PCDH9: variants seen among roughly 807,000 people sequenced by gnomAD.
PCDH9 encodes protocadherin-9.
A neutral mutation model predicts 70.6 loss-of-function variants in PCDH9; 24 were observed. That is an observed-to-expected ratio of 0.34 (90% CI 0.25 to 0.48). The LOEUF (loss-of-function observed/expected upper bound fraction) is 0.48. Among genes scored for constraint, PCDH9 ranks in the 20% least tolerant of loss-of-function variants. The probability of loss-of-function intolerance (pLI) is 0.99; values close to 1 mark genes in which losing one functional copy is unlikely to be tolerated. For synonymous variants in PCDH9, 562 were observed against 558.5 expected (o/e 1.01, Z -0.09); for missense variants, 1,281 against 1,503.6 (o/e 0.85, Z 2.45).
At chr13:66,703,081 T>C (rs2078667641) in intron 3 of PCDH9, among the ~76,000 whole-genome samples, 1 of 152,202 alleles carries the variant, frequency 6.6e-6, no homozygotes, top group South Asian at 2.1e-4. Context: ...AAATTACAAA[T>C]TGAATACAAA....
intron 3 of PCDH9, among the ~76,000 whole-genome samples, chr13:66,737,036 G>T (rs551186829): frequency 6.6e-6 from 1 of 152,122 alleles, no homozygotes; most frequent in East Asian, 1.9e-4. Flanking sequence ...CCCATGAAAC[G>T]CAGGGTAGTG....
chr13:66,531,934 T>C (rs1170931998), intron 4 of PCDH9, among the ~76,000 whole-genome samples: 3 of 152,116 alleles, frequency 2.0e-5, no homozygotes, highest in Non-Finnish European at 4.4e-5. Context: ...GGAGAATATC[T>C]ATACATCTCT....
chr13:67,085,008 A>ATG (rs2086076759), intron 2 of PCDH9, among the ~76,000 whole-genome samples: 4 of 130,578 alleles, frequency 3.1e-5, no homozygotes, highest in African/African-American at 1.1e-4. Flanking sequence ...ATATATATAT[A>ATG]TATATATATA....
chr13:67,027,667 C>T (rs1214797941), intron 2 of PCDH9, among the ~76,000 whole-genome samples: 1 of 150,306 alleles, frequency 6.7e-6, no homozygotes, highest in Non-Finnish European at 1.5e-5. Context: ...ACAACCTACT[C>T]ATCTGACAAA....
chr13:67,086,131 A>C (rs2086103220), intron 2 of PCDH9, among the ~76,000 whole-genome samples: 1 of 152,202 alleles, frequency 6.6e-6, no homozygotes, highest in Non-Finnish European at 1.5e-5. Flanking sequence ...CTTTTAGATA[A>C]AGAATCTAAA....
chr13:67,044,084 T>C (rs971624239), intron 2 of PCDH9, among the ~76,000 whole-genome samples: 1 of 152,068 alleles, frequency 6.6e-6, no homozygotes, highest in Admixed American at 6.6e-5. Context: ...GAATGGGGGT[T>C]GTCTTGGAAG....
intron 3 of PCDH9, among the ~76,000 whole-genome samples, chr13:66,786,760 C>A (rs1454927485): frequency 6.6e-6 from 1 of 151,878 alleles, no homozygotes; most frequent in Non-Finnish European, 1.5e-5. Context: ...CCTTGGAAGC[C>A]CTGACAATTA....
chr13:67,177,123 G>A (rs2088483584), intron 2 of PCDH9, among the ~76,000 whole-genome samples: 1 of 152,072 alleles, frequency 6.6e-6, no homozygotes, highest in Non-Finnish European at 1.5e-5. Context: ...TTATTTCTAT[G>A]ACTACTTAGA....
chr13:66,951,940 TG>T (rs376438730), intron 2 of PCDH9, among the ~76,000 whole-genome samples: 86 of 152,168 alleles, frequency 5.7e-4, no homozygotes, highest in African/African-American at 2.0e-3. Context: ...AAAATAAACA[TG>T]GGGGGTGTTG....
chr13:66,853,200 G>GCAA (rs2081341997), intron 3 of PCDH9, among the ~76,000 whole-genome samples: 1 of 59,200 alleles, frequency 1.7e-5, no homozygotes, highest in South Asian at 1.3e-3. Context: ...CTGAATAGTA[G>GCAA]CAATAATAAT....
At chr13:67,084,997 A>AAAAAATATATATATATATAT (rs1566414172) in intron 2 of PCDH9, among the ~76,000 whole-genome samples, 1 of 33,202 alleles carries the variant, frequency 3.0e-5, no homozygotes, top group African/African-American at 1.2e-4. Context: ...AAAAAAAAAA[A>AAAAAATATATATATATATAT]ATATATATAT....
intron 3 of PCDH9, 124 bp downstream of exon 3, chr13:66,903,380 T>A: frequency 2.5e-6 from 1 of 406,392 alleles, no homozygotes; most frequent in Admixed American, 4.0e-5. Context: ...AACATTAGTA[T>A]AAAAATGTGA....
intron 3 of PCDH9, among the ~76,000 whole-genome samples, chr13:66,854,067 A>C (rs1299409271): frequency 6.6e-6 from 1 of 152,182 alleles, no homozygotes; most frequent in Non-Finnish European, 1.5e-5. Context: ...CTAAAATGTA[A>C]AATGCTGTTC....
At chr13:66,665,387 C>T (rs1009883072) in intron 3 of PCDH9, among the ~76,000 whole-genome samples, 6 of 152,038 alleles carry the variant, frequency 3.9e-5, no homozygotes, top group South Asian at 2.1e-4. Context: ...TGTGAGCCAC[C>T]GCGCCTGACC....
chr13:66,856,746 G>A (rs1008409152), intron 3 of PCDH9, among the ~76,000 whole-genome samples: 9 of 152,064 alleles, frequency 5.9e-5, no homozygotes, highest in African/African-American at 1.9e-4. Flanking sequence ...TTCAGTAACC[G>A]TCTTAGCATT....
chr13:66,586,701 C>T lies in PCDH9; in HGVS notation c.3340+44509G>A, dbSNP rs186754624. Among the ~76,000 whole-genome samples, 28 of 152,236 alleles carry T rather than the reference C, an allele frequency of 1.8e-4. 1 individual carries two copies. The East Asian group carries it at 3.9e-3, about 21-fold the overall frequency. ...TTGTGTGGTGAAATATATTTCACCA[C>T]TAGACAAGAGGAGTTGCAAACTACT... On this transcript the variant is annotated intron_variant, in intron 4 of 4. Transcript: ENST00000377865.
intron 2 of PCDH9, among the ~76,000 whole-genome samples, chr13:66,912,295 C>G (rs1316457362): frequency 1.3e-5 from 2 of 152,022 alleles, no homozygotes; most frequent in Admixed American, 1.3e-4. Context: ...CAAGTCAAGC[C>G]CTTTTCTAAA....
At chr13:66,831,484 T>C (rs1316399513) in intron 3 of PCDH9, among the ~76,000 whole-genome samples, 1 of 152,158 alleles carries the variant, frequency 6.6e-6, no homozygotes, top group Non-Finnish European at 1.5e-5. Flanking sequence ...CTTTTGTGTT[T>C]ATTAGCTGGT....
At chr13:66,953,038 C>T (rs117216580) in intron 2 of PCDH9, among the ~76,000 whole-genome samples, 14 of 151,394 alleles carry the variant, frequency 9.2e-5, no homozygotes, top group Non-Finnish European at 1.9e-4. Context: ...GTATTATTAC[C>T]TAATGTAATT....
Sources: allele counts gnomAD v4.1 joint callset (sites outside exome capture counted in the v4.1 genomes callset), GRCh38; gene constraint gnomAD v4.1.1; transcripts MANE v1.5; gene names NCBI Gene and HGNC (gene_info 2026-07-23, HGNC 2026-07-21).